The following GPR180 variants were observed in gnomAD, a reference collection of about 807,000 sequenced individuals.
GPR180 encodes the protein integral membrane protein GPR180.
In GPR180, 53 loss-of-function variants were observed where a neutral mutation model predicts 52.6. That is an observed-to-expected ratio of 1.01 (90% confidence interval 0.81 to 1.27). The LOEUF (loss-of-function observed/expected upper bound fraction) is 1.27. Among genes scored for constraint, GPR180 ranks in the 50% most tolerant of loss-of-function variants. The probability of loss-of-function intolerance (pLI) is 0.00; values close to 1 mark genes in which losing one functional copy is unlikely to be tolerated. For synonymous variants in GPR180, 200 were observed against 193.1 expected (o/e 1.04, Z -0.30); for missense variants, 533 against 527.0 (o/e 1.01, Z -0.11).
rs980518563 is a variant in GPR180 at position 94,626,124 on chromosome 13, T to C, written c.1164+81T>C. ...GGAGAATATTTAAATAGGAGGGACCTATTTATTTTTTAAGACATTTTCTGG... is the reference window on the plus strand; with the variant it reads ...GGAGAATATTTAAATAGGAGGGACCCATTTATTTTTTAAGACATTTTCTGG... On this transcript the variant is annotated intron_variant, in intron 8 of 8. Coordinates refer to ENST00000376958, the MANE Select transcript of GPR180 (RefSeq NM_180989.6). The C allele has an allele frequency of 8.0e-6, 7 of 872,584 alleles. No individual in the cohort carries two copies. In the African/African-American group the frequency reaches 1.2e-4, roughly 15 times the overall value. The allele number at this position is 872,584 out of a possible 1,614,324, so 54.1% of individuals were successfully genotyped here. A position where few individuals can be genotyped will look rare whatever the true frequency, so the allele number is the denominator to read the frequency against.
chr13:94,617,695 T>A (rs1264528496), intron 3 of GPR180, among the ~76,000 whole-genome samples: 4 of 152,130 alleles, frequency 2.6e-5, no homozygotes, highest in African/African-American at 9.7e-5. Flanking sequence ...ACAAAATTAT[T>A]TTCCACATAA....
intron 7 of GPR180, among the ~76,000 whole-genome samples, chr13:94,624,775 C>T (rs1889903651): frequency 6.6e-6 from 1 of 152,198 alleles, no homozygotes; most frequent in African/African-American, 2.4e-5. Context: ...ACCTCCTGAC[C>T]TTGTGATATG....
Position 94,628,441 on chromosome 13 carries a change from CTATT to C in GPR180, c.*1273_*1276del, listed in dbSNP as rs1889954949. The C allele has an allele frequency of 1.3e-5, 2 of 151,880 alleles. No homozygotes were observed. The highest frequency in any genetic ancestry group is 1.5e-5 in the Non-Finnish European group (1 of 67,880). The allele number at this position is 151,880 out of a possible 1,614,324, so 9.4% of individuals were successfully genotyped here. A position where few individuals can be genotyped will look rare whatever the true frequency, so the allele number is the denominator to read the frequency against. Reference sequence around the variant, plus strand: ...GGCTTATTTTAAAAATATTTTTTATCTATTTACTGTGTGTTTAAGCAAGCAACAG... The same window carrying C: ...GGCTTATTTTAAAAATATTTTTTATCTACTGTGTGTTTAAGCAAGCAACAG... On this transcript the variant is annotated 3_prime_UTR_variant, in exon 9 of 9. Transcript: ENST00000376958.
intron 7 of GPR180, among the ~76,000 whole-genome samples, chr13:94,624,650 C>T (rs897274881): frequency 8.6e-5 from 13 of 151,816 alleles, no homozygotes; most frequent in Admixed American, 6.6e-4. Context: ...CTCCGCCTTC[C>T]GGGTTCATGC....
Position 94,627,045 on chromosome 13 carries a change from T to G in GPR180, c.1197T>G (p.Ser399=), listed in dbSNP as rs1230959808. The part of the protein sequence containing the change: ...VITIGVILCQ[S]VSMVILYRLF... ...CAATAGGTGTTATCCTTTGCCAGTC[T>G]GTTTCCATGGTTATTCTCTACAGAC... is the stretch of plus-strand genomic sequence containing the variant. The change falls in exon 9 of 9, where the codon TCT becomes TCG. Residue 399 remains serine, a synonymous_variant. Coordinates refer to ENST00000376958, the MANE Select transcript of GPR180 (RefSeq NM_180989.6). 4.3e-6 allele frequency: 7 copies of G among 1,610,664 alleles called. No homozygotes were observed. Among genetic ancestry groups the G allele is most frequent in the Non-Finnish European group, 5.9e-6 (7 of 1,178,714 alleles).
At position 94,605,477 on chromosome 13, in the gene GPR180, G is replaced by A. The variant is rs1299695243; in HGVS notation, c.232G>A (p.Glu78Lys). The change falls in exon 2 of 9, where the codon GAA (glutamate) becomes AAA (lysine). Residue 78 changes from glutamate to lysine, a missense_variant. Physicochemically the swap from Glu to Lys is moderately conservative, Grantham distance 56 (BLOSUM62 1). Transcript: ENST00000376958. Reference protein sequence around the residue: ...EAKLYLFQAQEWLKLQQSSHG... With the variant: ...EAKLYLFQAQKWLKLQQSSHG... ...TAAACTCTACCTGTTCCAAGCCCAG[G>A]AATGGCTAAAGCTACAGCAAAGCAG... 6.2e-7 allele frequency: 1 copy of A among 1,613,978 alleles called. No homozygotes were observed. Among genetic ancestry groups the A allele is most frequent in the East Asian group, 2.2e-5 (1 of 44,872 alleles).
chr13:94,621,337 T>C, intron 6 of GPR180, 102 bp downstream of exon 6: 2 of 943,146 alleles, frequency 2.1e-6, no homozygotes, highest in South Asian at 5.6e-5. Flanking sequence ...AAGGAATTTG[T>C]GTCATTTTTT....
chr13:94,604,278 T>C (rs928877879), intron 1 of GPR180, among the ~76,000 whole-genome samples: 1 of 150,614 alleles, frequency 6.6e-6, no homozygotes, highest in Admixed American at 6.6e-5. Context: ...AGGTTGCAGT[T>C]AGCTGAGATC....
Position 94,621,184 on chromosome 13 carries a change from G to C in GPR180, c.843G>C (p.Trp281Cys). 2 of 1,611,552 alleles carry C rather than the reference G, an allele frequency of 1.2e-6. No individual in the cohort carries two copies. Among genetic ancestry groups the C allele is most frequent in the South Asian group, 1.1e-5 (1 of 90,598 alleles). ...AGTCTCAAAGCAGACCTCTCCAGTGGGATTCTACGCCTGCATCCACTGGCA... is the reference window on the plus strand; with the variant it reads ...AGTCTCAAAGCAGACCTCTCCAGTGCGATTCTACGCCTGCATCCACTGGCA... ...MKKSQSRPLQ[W>C]DSTPASTGIA... Residue 281 changes from tryptophan to cysteine, a missense_variant, in exon 6 of 9, where the codon TGG (tryptophan) becomes TGC (cysteine). By Grantham distance (215) the Trp-to-Cys change is radical. Coordinates refer to ENST00000376958, the MANE Select transcript of GPR180 (RefSeq NM_180989.6).
intron 2 of GPR180, among the ~76,000 whole-genome samples, chr13:94,610,481 A>G (rs1410393272): frequency 6.6e-6 from 1 of 152,234 alleles, no homozygotes; most frequent in East Asian, 1.9e-4. Context: ...ACTCTGCACT[A>G]GCAGGGCAGG....
In GPR180 at chr13:94,604,741, A is replaced by AT. The variant is rs112593382; in HGVS notation, c.146-636dup. ...CAGGCTCAGCCACCAAGCCCAGCTA[A>AT]TTTTTTTTTTTTTTAAATAGCAACA... On this transcript the variant is annotated intron_variant, in intron 1 of 8. Coordinates refer to ENST00000376958, the MANE Select transcript of GPR180 (RefSeq NM_180989.6). Among the ~76,000 whole-genome samples, 581 of 146,492 alleles carry AT rather than the reference A, an allele frequency of 4.0e-3. 2 individuals carry two copies. Among genetic ancestry groups the AT allele is most frequent in the African/African-American group, 0.011 (443 of 40,214 alleles).
rs570807308 is a variant in GPR180 at position 94,618,420 on chromosome 13, ATTTTTTT to A, written c.506-713_506-707del. Among the ~76,000 whole-genome samples the A allele has an allele frequency of 1.5e-3, 134 of 87,128 alleles. 3 individuals are homozygous for A. The highest frequency in any genetic ancestry group is 0.016 in the Middle Eastern group (2 of 122). The allele number at this position is 87,128 out of a possible 152,430, so 57.2% of individuals were successfully genotyped here. A position where few individuals can be genotyped will look rare whatever the true frequency, so the allele number is the denominator to read the frequency against. On this transcript the variant is annotated intron_variant, in intron 3 of 8. Coordinates refer to ENST00000376958, the MANE Select transcript of GPR180 (RefSeq NM_180989.6). ...CATGGAGTCGCATGATCAGCACAGG[ATTTTTTT>A]TTTTTTTTTTTTTTTTGGCAAGAGC...
At position 94,621,131 on chromosome 13, in the gene GPR180, A is replaced by T. The variant is rs775969257; in HGVS notation, c.790A>T (p.Met264Leu). ...GTTATACTTACTTTTGAGTCTATGC[A>T]TGGGTTGGACAATAGTCAGAATGAA... Reference protein sequence around the residue: ...QMLYLLLSLCMGWTIVRMKKS... With the variant: ...QMLYLLLSLCLGWTIVRMKKS... The change falls in exon 6 of 9, where the codon ATG (methionine) becomes TTG (leucine). Residue 264 changes from methionine to leucine, a missense_variant. Met to Leu is a conservative substitution (Grantham distance 15). Transcript: ENST00000376958. 41 of 1,612,572 alleles carry T rather than the reference A, an allele frequency of 2.5e-5. No homozygotes were observed. Among genetic ancestry groups the T allele is most frequent in the Non-Finnish European group, 3.5e-5 (41 of 1,179,774 alleles).
chr13:94,625,570 G>GT (rs1025585913), intron 7 of GPR180, among the ~76,000 whole-genome samples: 1 of 152,028 alleles, frequency 6.6e-6, no homozygotes, highest in African/African-American at 2.4e-5. Flanking sequence ...GACTATTAAT[G>GT]TTTTTTGTGT....
In GPR180 at chr13:94,621,248, A is replaced by G. The variant is rs769349157; in HGVS notation, c.894+13A>G. On this transcript the variant is annotated intron_variant, in intron 6 of 8. Coordinates refer to ENST00000376958, the MANE Select transcript of GPR180 (RefSeq NM_180989.6). ...TGTCATGACACAGGTGGGTATTGAT[A>G]CTCAGTGTTTCTGCTTAGTAATCCT... is the stretch of plus-strand genomic sequence containing the variant. The G allele has an allele frequency of 4.5e-6, 7 of 1,561,670 alleles. No homozygotes were observed. The South Asian group carries it at 8.6e-5, about 19-fold the overall frequency.
intron 2 of GPR180, among the ~76,000 whole-genome samples, chr13:94,610,882 A>G (rs891111591): frequency 1.1e-4 from 16 of 152,216 alleles, no homozygotes; most frequent in African/African-American, 2.9e-4. Context: ...CCCTGGAGGA[A>G]AGGAGATTAC....
chr13:94,604,163 G>A (rs749281829), intron 1 of GPR180, among the ~76,000 whole-genome samples: 5 of 152,028 alleles, frequency 3.3e-5, no homozygotes, highest in East Asian at 1.9e-4. Context: ...GTGAAACCCC[G>A]TCTCTATAAA....
chr13:94,617,303 T>C (rs777985117), intron 3 of GPR180, among the ~76,000 whole-genome samples: 3 of 152,182 alleles, frequency 2.0e-5, no homozygotes, highest in Non-Finnish European at 4.4e-5. Context: ...GAAGGAAAGA[T>C]AAAAACTAAG....
At chr13:94,609,117 G>GT (rs1889670433) in intron 2 of GPR180, among the ~76,000 whole-genome samples, 2 of 152,010 alleles carry the variant, frequency 1.3e-5, no homozygotes, top group South Asian at 4.2e-4. Flanking sequence ...ACATTTCAGT[G>GT]TTGTCTTTTT....
Sources: allele counts gnomAD v4.1 joint callset (sites outside exome capture counted in the v4.1 genomes callset), GRCh38; gene constraint gnomAD v4.1.1; transcripts MANE v1.5; gene names NCBI Gene and HGNC (gene_info 2026-07-23, HGNC 2026-07-21).